The following DPEP1 variants were observed in gnomAD, a reference collection of about 807,000 sequenced individuals.
DPEP1 encodes dipeptidase 1.
In DPEP1, 50 loss-of-function variants were observed where a neutral mutation model predicts 42.3. That is an observed-to-expected ratio of 1.18 (90% confidence interval 0.94 to 1.50). DPEP1 has a LOEUF of 1.50. Ranked by LOEUF, DPEP1 falls within the 40% of genes most tolerant of loss-of-function variation. The probability of loss-of-function intolerance (pLI) is 0.00; values close to 1 mark genes in which losing one functional copy is unlikely to be tolerated. For synonymous variants in DPEP1, 297 were observed against 234.0 expected (o/e 1.27, Z -2.46); for missense variants, 663 against 553.0 (o/e 1.20, Z -1.99).
rs1379339742 is a variant in DPEP1 at position 89,637,670 on chromosome 16, G to T, written c.892G>T (p.Ala298Ser). 4.3e-6 allele frequency: 7 copies of T among 1,612,966 alleles called. No individual in the cohort carries two copies. The African/African-American group carries it at 9.3e-5, about 22-fold the overall frequency. The change falls in exon 9 of 11, where the codon GCC becomes TCC. Residue 298 changes from alanine (A) to serine (S), a missense_variant. Physicochemically the swap from Ala to Ser is moderately conservative, Grantham distance 99. Coordinates refer to ENST00000690203, the MANE Select transcript of DPEP1 (RefSeq NM_001389466.1). Reference sequence around the variant, plus strand: ...CATCAAGGAGGTGGCAGGAGCCAGAGCCGTGGGTTTTGGTGGGGACTTTGA... The same window carrying T: ...CATCAAGGAGGTGGCAGGAGCCAGATCCGTGGGTTTTGGTGGGGACTTTGA... Reference protein sequence around the residue: ...DHIKEVAGARAVGFGGDFDGV... With the variant: ...DHIKEVAGARSVGFGGDFDGV...
At chr16:89,639,965 G>A (rs547483562), downstream of DPEP1, among the ~76,000 whole-genome samples, 270 of 152,280 alleles carry the variant, frequency 1.8e-3, 1 homozygote, top group African/African-American at 5.9e-3. Context: ...GTGAGCTGCT[G>A]CGCCCAGCCC....
At chr16:89,626,663 G>C (rs1403983156) in intron 1 of DPEP1, among the ~76,000 whole-genome samples, 1 of 152,130 alleles carries the variant, frequency 6.6e-6, no homozygotes, top group Non-Finnish European at 1.5e-5. Context: ...CTAAGATCTG[G>C]TTTTTAAAAG....
Position 89,638,225 on chromosome 16 carries a change from C to G in DPEP1, c.*3C>G. On this transcript the variant is annotated 3_prime_UTR_variant, in exon 11 of 11. Transcript: ENST00000690203. ...TCCTCTGTCTGTCTCTCCTGTGAAA[C>G]CTGGGAGACCAGAGTCCCCTTTAGG... 1 of 1,545,428 alleles carries G rather than the reference C, an allele frequency of 6.5e-7. No homozygotes were observed. The highest frequency in any genetic ancestry group is 2.3e-5 in the East Asian group (1 of 44,194).
chr16:89,624,703 T>C (rs2059486734), intron 1 of DPEP1, among the ~76,000 whole-genome samples: 1 of 151,800 alleles, frequency 6.6e-6, no homozygotes, highest in Non-Finnish European at 1.5e-5. Context: ...CCCGGCTAAT[T>C]TTTGTGTTTT....
chr16:89,622,128 C>G (rs2059453475), intron 1 of DPEP1, among the ~76,000 whole-genome samples: 1 of 152,156 alleles, frequency 6.6e-6, no homozygotes, highest in Non-Finnish European at 1.5e-5. Flanking sequence ...GGACCCAGGA[C>G]TCTCATGCAG....
intron 1 of DPEP1, among the ~76,000 whole-genome samples, chr16:89,615,687 C>T (rs866803563): frequency 6.6e-6 from 1 of 152,202 alleles, no homozygotes; most frequent in African/African-American, 2.4e-5. Context: ...TGCAGGACCC[C>T]GCGAGGCCCC....
chr16:89,613,730 T>TG lies in DPEP1; in HGVS notation c.-107+15dup, dbSNP rs1416808948. The TG allele has an allele frequency of 1.3e-5, 2 of 153,542 alleles. No homozygotes were observed. The highest frequency in any genetic ancestry group is 4.8e-5 in the African/African-American group (2 of 41,434). 9.5% of individuals were successfully genotyped at this position (153,542 alleles called of 1,614,324 possible). ...ATCGCAGAGGCCAGGGTGAGTGGGC[T>TG]GGGGAGTCGGTGCGCCAGGGTACTG... On this transcript the variant is annotated intron_variant, in intron 1 of 10. Coordinates refer to ENST00000690203, the MANE Select transcript of DPEP1 (RefSeq NM_001389466.1).
intron 1 of DPEP1, among the ~76,000 whole-genome samples, chr16:89,615,795 G>C (rs1019201258): frequency 7.9e-5 from 12 of 152,348 alleles, no homozygotes; most frequent in Non-Finnish European, 1.3e-4. Context: ...TCAACACGGG[G>C]GCCCCGGGGT....
chr16:89,636,178 G>A (rs765134165), intron 3 of DPEP1, 86 bp from the exon 4 acceptor site: 28 of 1,553,978 alleles, frequency 1.8e-5, no homozygotes, highest in African/African-American at 5.4e-5. Flanking sequence ...GCTTCCCAGC[G>A]GGTGGGAAAC....
At chr16:89,626,324 G>A (rs2059511269) in intron 1 of DPEP1, 1 of 152,172 alleles carries the variant, frequency 6.6e-6, no homozygotes, top group Non-Finnish European at 1.5e-5. Context: ...GTTCTCACAA[G>A]ATCTGTTTGT....
rs1271590883 is a variant in DPEP1 at position 89,630,716 on chromosome 16, TGGGGGTGCCGGGGC to T, written c.104+203_104+216del. On this transcript the variant is annotated intron_variant, in intron 2 of 10. Transcript: ENST00000690203. ...GTGCCGGGGCTGGGGGAGCCGGGGCTGGGGGTGCCGGGGCTGGGGGTGCCGGGGCTGGGGGAGTT... is the reference window on the plus strand; with the variant it reads ...GTGCCGGGGCTGGGGGAGCCGGGGCTTGGGGGTGCCGGGGCTGGGGGAGTT... 4.0e-3 allele frequency among the ~76,000 whole-genome samples: 92 copies of T among 23,096 alleles called. 1 individual carries two copies. The highest frequency in any genetic ancestry group is 0.021 in the African/African-American group (88 of 4,228). 15.2% of individuals were successfully genotyped at this position (23,096 alleles called of 152,430 possible).
At chr16:89,624,966 A>G (rs2059489823) in intron 1 of DPEP1, among the ~76,000 whole-genome samples, 1 of 152,198 alleles carries the variant, frequency 6.6e-6, no homozygotes, top group East Asian at 1.9e-4. Flanking sequence ...CAGCCAGTCC[A>G]CAGCACTTTC....
At chr16:89,616,483 A>T (rs561370867) in intron 1 of DPEP1, among the ~76,000 whole-genome samples, 1 of 152,276 alleles carries the variant, frequency 6.6e-6, no homozygotes, top group South Asian at 2.1e-4. Context: ...AGGCATCTGC[A>T]TCCCCGGGGT....
chr16:89,640,531 G>A, downstream of DPEP1: 1 of 977,938 alleles, frequency 1.0e-6, no homozygotes, highest in Non-Finnish European at 1.2e-6. Flanking sequence ...GCCTCCAGAA[G>A]GGACGCGTCC....
chr16:89,637,852 G>C lies in DPEP1; in HGVS notation c.946G>C (p.Glu316Gln). The C allele has an allele frequency of 1.9e-6, 3 of 1,612,808 alleles. No homozygotes were observed. The highest frequency in any genetic ancestry group is 1.7e-6 in the Non-Finnish European group (2 of 1,179,934). ...DGVPRVPEGLEDVSKYPDLIA... is the reference protein window; with the variant it reads ...DGVPRVPEGLQDVSKYPDLIA... The stretch of plus-strand genomic sequence containing the variant: ...TCAACACAGGGTCCCTGAGGGGCTG[G>C]AGGACGTCTCCAAGTATCCAGACCT... The change falls in exon 10 of 11, where the codon GAG becomes CAG. Residue 316 changes from glutamate to glutamine, a missense_variant. By Grantham distance (29) the Glu-to-Gln change is conservative. Transcript: ENST00000690203.
chr16:89,615,120 G>C (rs1020848288), intron 1 of DPEP1, among the ~76,000 whole-genome samples: 15 of 152,208 alleles, frequency 9.9e-5, no homozygotes, highest in Non-Finnish European at 2.2e-4. Context: ...AATACCTCCC[G>C]CTGGGCCTCA....
At chr16:89,614,644 A>T (rs1429601393) in intron 1 of DPEP1, among the ~76,000 whole-genome samples, 6 of 151,724 alleles carry the variant, frequency 4.0e-5, no homozygotes, top group African/African-American at 1.5e-4. Flanking sequence ...AAATACAAAA[A>T]ATTAGCCGGG....
chr16:89,628,249 T>TTC (rs1177293529), intron 1 of DPEP1, among the ~76,000 whole-genome samples: 10 of 73,828 alleles, frequency 1.4e-4, no homozygotes, highest in African/African-American at 5.5e-4. Context: ...CTTTCTTTCT[T>TTC]TTCTTTCTTT....
At chr16:89,637,414 C>A (rs1003108832) in intron 7 of DPEP1, 34 bp downstream of exon 7, 2 of 1,612,652 alleles carry the variant, frequency 1.2e-6, no homozygotes, top group African/African-American at 2.7e-5. Flanking sequence ...CACCCCGCCT[C>A]CCTGGGCAGG....
Sources: allele counts gnomAD v4.1 joint callset (sites outside exome capture counted in the v4.1 genomes callset), GRCh38; gene constraint gnomAD v4.1.1; transcripts MANE v1.5; gene names NCBI Gene and HGNC (gene_info 2026-07-23, HGNC 2026-07-21).